DCC: variants seen among roughly 807,000 people sequenced by gnomAD.
DCC encodes DCC netrin 1 receptor.
DCC carries 58 observed loss-of-function variants against 172.5 expected under a neutral mutation model. The observed-to-expected ratio is 0.34, with a 90% confidence interval of 0.27 to 0.42. The LOEUF is 0.42. Among genes scored for constraint, DCC ranks in the 10% least tolerant of loss-of-function variants. The pLI is 1.00. For synonymous variants in DCC, 709 were observed against 644.5 expected (o/e 1.10, Z -1.52); for missense variants, 1,740 against 1,791.0 (o/e 0.97, Z 0.51).
At chr18:53,167,591 A>G (rs1443822513) in intron 8 of DCC, among the ~76,000 whole-genome samples, 2 of 152,128 alleles carry the variant, frequency 1.3e-5, no homozygotes, top group Admixed American at 6.6e-5. Context: ...TTAATTTCAC[A>G]TTTATTTATG....
intron 1 of DCC, among the ~76,000 whole-genome samples, chr18:52,553,358 A>G (rs2032828216): frequency 2.6e-5 from 4 of 152,048 alleles, no homozygotes; most frequent in Admixed American, 2.6e-4. Context: ...TGACTTGACC[A>G]TCATAGAACA....
intron 26 of DCC, among the ~76,000 whole-genome samples, chr18:53,496,303 G>C (rs1333735801): frequency 5.3e-5 from 8 of 152,146 alleles, no homozygotes; most frequent in African/African-American, 1.9e-4. Context: ...GTGATACCCA[G>C]GCAAACATGG....
At chr18:52,964,003 C>T (rs943311156) in intron 5 of DCC, among the ~76,000 whole-genome samples, 7 of 152,074 alleles carry the variant, frequency 4.6e-5, no homozygotes, top group Non-Finnish European at 1.5e-5. Flanking sequence ...ATGCATATTA[C>T]AATCACTAGA....
At chr18:53,402,664 G>A (rs576008955) in intron 18 of DCC, 122 bp from the exon 19 acceptor site, 2 of 797,642 alleles carry the variant, frequency 2.5e-6, no homozygotes, top group Non-Finnish European at 4.5e-6. Flanking sequence ...ACTGTAAATG[G>A]CAAAATAGAC....
At chr18:53,453,265 C>T (rs1049496392) in intron 23 of DCC, among the ~76,000 whole-genome samples, 11 of 152,266 alleles carry the variant, frequency 7.2e-5, no homozygotes, top group African/African-American at 2.4e-4. Flanking sequence ...CGCTACTCCT[C>T]TGCATCACAA....
intron 1 of DCC, among the ~76,000 whole-genome samples, chr18:52,528,868 C>T (rs1189316195): frequency 6.6e-6 from 1 of 152,106 alleles, no homozygotes; most frequent in African/African-American, 2.4e-5. Context: ...TAGTTAGTCA[C>T]CAATATTCCA....
chr18:52,749,276 G>A (rs2036958862), intron 1 of DCC, among the ~76,000 whole-genome samples: 1 of 152,140 alleles, frequency 6.6e-6, no homozygotes, highest in Non-Finnish European at 1.5e-5. Flanking sequence ...TCTCACTCTG[G>A]TCACAGACTC....
chr18:53,005,608 G>C (rs1328412098), intron 5 of DCC, among the ~76,000 whole-genome samples: 1 of 152,122 alleles, frequency 6.6e-6, no homozygotes, highest in Admixed American at 6.6e-5. Flanking sequence ...CGTGCCTACA[G>C]TCCCAGCTAC....
intron 12 of DCC, among the ~76,000 whole-genome samples, chr18:53,256,884 T>A (rs1204486727): frequency 1.3e-5 from 2 of 152,234 alleles, no homozygotes; most frequent in African/African-American, 4.8e-5. Flanking sequence ...CTCTTTGATT[T>A]CATTGAGCAG....
intron 1 of DCC, among the ~76,000 whole-genome samples, chr18:52,354,941 C>T (rs553724435): frequency 6.6e-6 from 1 of 152,086 alleles, no homozygotes; most frequent in Non-Finnish European, 1.5e-5. Context: ...GGAAATTCTG[C>T]AAATAGCAAA....
At chr18:52,359,386 A>T (rs1459572544) in intron 1 of DCC, among the ~76,000 whole-genome samples, 1 of 152,224 alleles carries the variant, frequency 6.6e-6, no homozygotes, top group Non-Finnish European at 1.5e-5. Flanking sequence ...AGAATATCCC[A>T]TTTTAAGTAG....
chr18:53,371,566 A>G (rs2058060444), intron 15 of DCC, among the ~76,000 whole-genome samples: 1 of 151,976 alleles, frequency 6.6e-6, no homozygotes, highest in Admixed American at 6.6e-5. Flanking sequence ...AAAAGACAGA[A>G]TAGGCATCAG....
intron 1 of DCC, among the ~76,000 whole-genome samples, chr18:52,390,662 A>G (rs1382848636): frequency 1.3e-5 from 2 of 152,172 alleles, no homozygotes; most frequent in Admixed American, 6.5e-5. Flanking sequence ...GCAGGTCTCC[A>G]AGGAGACTCA....
chr18:52,694,226 C>T (rs2035975346), intron 1 of DCC, among the ~76,000 whole-genome samples: 1 of 152,116 alleles, frequency 6.6e-6, no homozygotes, highest in African/African-American at 2.4e-5. Flanking sequence ...GGCCAGTACT[C>T]CCCAAACTGT....
chr18:53,088,032 A>G (rs2042942474), intron 7 of DCC, among the ~76,000 whole-genome samples: 1 of 152,156 alleles, frequency 6.6e-6, no homozygotes, highest in South Asian at 2.1e-4. Context: ...GTAGTCAGGT[A>G]GCGTGATGCC....
chr18:52,896,371 A>G (rs1325943964), intron 2 of DCC, among the ~76,000 whole-genome samples: 1 of 152,212 alleles, frequency 6.6e-6, no homozygotes, highest in Non-Finnish European at 1.5e-5. Flanking sequence ...ATTTGGCTTA[A>G]TGCATACTCA....
At chr18:52,565,505 G>C (rs143849941) in intron 1 of DCC, among the ~76,000 whole-genome samples, 1,881 of 152,244 alleles carry the variant, frequency 0.012, 19 homozygotes, top group Non-Finnish European at 0.02. Flanking sequence ...AGCATCTGTT[G>C]TTTCCTGACT....
chr18:52,985,132 G>A (rs1815504191), intron 5 of DCC, among the ~76,000 whole-genome samples: 1 of 151,914 alleles, frequency 6.6e-6, no homozygotes, highest in Non-Finnish European at 1.5e-5. Context: ...TGTCATTTCA[G>A]GATATTTTTC....
chr18:52,390,124 A>T (rs930728501), intron 1 of DCC, among the ~76,000 whole-genome samples: 5 of 152,152 alleles, frequency 3.3e-5, no homozygotes, highest in Admixed American at 1.3e-4. Flanking sequence ...GCAGCAAAAG[A>T]TCTGTAATAG....
Sources: gnomAD v4.1 joint callset for allele counts (sites outside exome capture counted in the v4.1 genomes callset) on GRCh38, gnomAD v4.1.1 for gene constraint, MANE v1.5 for transcripts, NCBI Gene and HGNC (gene_info 2026-07-23, HGNC 2026-07-21) for gene names.